Variants in KIF26B observed in about 807,000 individuals in gnomAD.
KIF26B encodes kinesin family member 26B, also known as kinesin-like protein KIF26B.
In KIF26B, 63 loss-of-function variants were observed where a neutral mutation model predicts 151.2. The observed-to-expected ratio is 0.42, with a 90% CI of 0.34 to 0.51. The LOEUF is 0.51. Ranked by LOEUF, KIF26B falls within the 20% of genes least tolerant of loss-of-function variation. KIF26B has a pLI of 0.07. For missense variants in KIF26B, 2,813 were observed against 2,913.6 expected, an observed-to-expected ratio of 0.97 and a Z score of 0.79; for synonymous variants, 1,357 against 1,262.1, an observed-to-expected ratio of 1.08 and a Z score of -1.59.
chr1:245,617,452 A>G (rs1386583577), intron 9 of KIF26B, among the ~76,000 whole-genome samples: 1 of 152,114 alleles, frequency 6.6e-6, no homozygotes, highest in Non-Finnish European at 1.5e-5. Context: ...AAATCAACTA[A>G]TGCTGTATTT....
chr1:245,413,594 C>G (rs113786172), intron 3 of KIF26B, among the ~76,000 whole-genome samples: 1 of 152,150 alleles, frequency 6.6e-6, no homozygotes, highest in African/African-American at 2.4e-5. Flanking sequence ...ACCCGGAAGG[C>G]GGAGGTTGCA....
intron 5 of KIF26B, among the ~76,000 whole-genome samples, chr1:245,546,206 GT>G (rs1661737780): frequency 6.6e-6 from 1 of 151,984 alleles, no homozygotes; most frequent in African/African-American, 2.4e-5. Context: ...TTTGGTTTTG[GT>G]TTTGTTTTTT....
intron 2 of KIF26B, among the ~76,000 whole-genome samples, chr1:245,253,504 A>G (rs1189983082): frequency 5.3e-5 from 8 of 151,500 alleles, no homozygotes; most frequent in African/African-American, 1.9e-4. Flanking sequence ...CTTTTCTTGC[A>G]CTCCCTTCAT....
At chr1:245,456,703 TGA>T (rs1339196313) in intron 4 of KIF26B, among the ~76,000 whole-genome samples, 84 of 152,236 alleles carry the variant, frequency 5.5e-4, no homozygotes, top group Non-Finnish European at 1.5e-5. Flanking sequence ...AAATATAAAT[TGA>T]GTTACCAAAA....
chr1:245,550,469 TG>T (rs1263478052), intron 5 of KIF26B, among the ~76,000 whole-genome samples: 1 of 152,234 alleles, frequency 6.6e-6, no homozygotes, highest in Non-Finnish European at 1.5e-5. Context: ...ACCAGCACCC[TG>T]CTGTAAACGC....
At chr1:245,297,329 T>G (rs560010989) in intron 2 of KIF26B, among the ~76,000 whole-genome samples, 15 of 152,006 alleles carry the variant, frequency 9.9e-5, no homozygotes, top group African/African-American at 2.4e-4. Context: ...AGTGACAGAG[T>G]GAGATTCTGT....
chr1:245,350,051 A>T (rs5782336), intron 2 of KIF26B, among the ~76,000 whole-genome samples: 6,494 of 141,154 alleles, frequency 0.046, 156 homozygotes, highest in African/African-American at 0.07. Flanking sequence ...ATATATATAT[A>T]TTTTTTTTTC....
At chr1:245,558,390 T>C (rs1209554299) in intron 5 of KIF26B, among the ~76,000 whole-genome samples, 58 of 152,216 alleles carry the variant, frequency 3.8e-4, no homozygotes, top group Non-Finnish European at 1.5e-5. Context: ...TCTCTCACCT[T>C]CGGGCCTTTG....
At chr1:245,463,491 G>T (rs1306589985) in intron 4 of KIF26B, among the ~76,000 whole-genome samples, 1 of 152,198 alleles carries the variant, frequency 6.6e-6, no homozygotes, top group Non-Finnish European at 1.5e-5. Flanking sequence ...GGCAGCTGGG[G>T]GTGAGAATGC....
At chr1:245,335,264 G>A (rs182351048) in intron 2 of KIF26B, among the ~76,000 whole-genome samples, 8 of 152,292 alleles carry the variant, frequency 5.3e-5, no homozygotes, top group Non-Finnish European at 1.0e-4. Context: ...CATGGCACCC[G>A]TCTCAGTCTA....
At chr1:245,169,612 C>A in intron 2 of KIF26B, among the ~76,000 whole-genome samples, 1 of 146,978 alleles carries the variant, frequency 6.8e-6, no homozygotes, top group Non-Finnish European at 1.5e-5. Context: ...GCATTTTTTG[C>A]AGCCGGGGTG....
chr1:245,489,061 C>T (rs558469279), intron 4 of KIF26B, among the ~76,000 whole-genome samples: 2 of 152,358 alleles, frequency 1.3e-5, no homozygotes, highest in African/African-American at 4.8e-5. Context: ...CTCATCTCTT[C>T]CAATCACTGC....
chr1:245,450,099 A>T (rs764546319), intron 4 of KIF26B, among the ~76,000 whole-genome samples: 3 of 151,998 alleles, frequency 2.0e-5, no homozygotes, highest in Non-Finnish European at 4.4e-5. Context: ...ATCTGGGTGG[A>T]ATGTGGTACC....
chr1:245,487,828 C>T (rs1250191222), intron 4 of KIF26B, among the ~76,000 whole-genome samples: 1 of 150,600 alleles, frequency 6.6e-6, no homozygotes, highest in Non-Finnish European at 1.5e-5. Flanking sequence ...ATTTCAGACG[C>T]GCCAGGCTGG....
chr1:245,283,996 A>G lies in KIF26B; in HGVS notation c.466-82838A>G, dbSNP rs1435743238. Among the ~76,000 whole-genome samples the G allele has an allele frequency of 3.5e-4, 53 of 152,138 alleles. 1 individual carries two copies. The highest frequency in any genetic ancestry group is 3.4e-3 in the Admixed American group (52 of 15,270). The stretch of plus-strand genomic sequence containing the variant: ...CCGCTGCGCACCGCAGCTTGAGAAT[A>G]TGAGCAGCACTTTTGAAGTCCCTAC... On this transcript the variant is annotated intron_variant, in intron 2 of 14. Transcript: ENST00000407071.
At chr1:245,361,324 T>C (rs1208780825) in intron 2 of KIF26B, among the ~76,000 whole-genome samples, 1 of 152,232 alleles carries the variant, frequency 6.6e-6, no homozygotes, top group Non-Finnish European at 1.5e-5. Context: ...AGCTGCTACA[T>C]CCCAGGGTAA....
intron 2 of KIF26B, among the ~76,000 whole-genome samples, chr1:245,201,423 G>A (rs1669299580): frequency 6.6e-6 from 1 of 152,198 alleles, no homozygotes; most frequent in African/African-American, 2.4e-5. Flanking sequence ...ACTGCGTTCT[G>A]AATGCTTAGT....
intron 10 of KIF26B, among the ~76,000 whole-genome samples, chr1:245,649,927 G>A (rs1351539360): frequency 3.3e-5 from 5 of 152,220 alleles, no homozygotes; most frequent in African/African-American, 1.2e-4. Context: ...CTCCATGTGC[G>A]CTGAATGCTT....
chr1:245,200,035 A>G (rs1669270391), intron 2 of KIF26B, among the ~76,000 whole-genome samples: 1 of 152,224 alleles, frequency 6.6e-6, no homozygotes, highest in Non-Finnish European at 1.5e-5. Flanking sequence ...CTTCCGTGCT[A>G]TCATTGTGCG....
Sources: gnomAD v4.1 joint callset for allele counts (sites outside exome capture counted in the v4.1 genomes callset) on GRCh38, gnomAD v4.1.1 for gene constraint, MANE v1.5 for transcripts, NCBI Gene and HGNC (gene_info 2026-07-23, HGNC 2026-07-21) for gene names.